Variants in TECPR1 observed in about 807,000 individuals in gnomAD.
TECPR1 encodes the protein tectonin beta-propeller repeat containing 1.
Under a neutral mutation model 162.4 loss-of-function variants are expected in TECPR1, and 122 were observed. That is an observed-to-expected ratio of 0.75 (90% CI 0.65 to 0.87). The LOEUF (loss-of-function observed/expected upper bound fraction) is 0.87, where lower values mean the gene tolerates loss of function less well. TECPR1 is among the 40% of genes least tolerant of loss of function. The pLI, the probability that TECPR1 is intolerant of heterozygous loss-of-function variation, is 0.00. For missense variants in TECPR1, 1,432 were observed against 1,618.2 expected (o/e 0.88, Z 1.97); for synonymous variants, 642 against 670.6 (o/e 0.96, Z 0.66).
chr7:98,238,656 A>G (rs1287589240), intron 8 of TECPR1, 46 bp from the exon 9 acceptor site: 1 of 1,485,078 alleles, frequency 6.7e-7, no homozygotes, highest in South Asian at 1.2e-5. Flanking sequence ...GGCCACTGAA[A>G]CAGACGGTTC....
chr7:98,221,810 T>A, intron 22 of TECPR1, 57 bp from the exon 23 acceptor site: 1 of 1,422,018 alleles, frequency 7.0e-7, no homozygotes, highest in Non-Finnish European at 9.8e-7. Context: ...ATGGGCCAGG[T>A]GGGGCTGTGG....
Position 98,241,356 on chromosome 7 carries a change from T to C in TECPR1, c.658-112A>G. On this transcript the variant is annotated intron_variant, in intron 6 of 25. Transcript: ENST00000447648. This position sits in a 1 kb window ranked among gnomAD's most constrained non-coding sequence, Gnocchi z 5.0. Reference sequence around the variant, plus strand: ...CCCATGTCCCCTGACCGTCCAGATCTCACTCCCTGCCCCCTACCCCGGCCA... The same window carrying C: ...CCCATGTCCCCTGACCGTCCAGATCCCACTCCCTGCCCCCTACCCCGGCCA... The C allele has an allele frequency of 2.2e-6, 3 of 1,341,396 alleles. No individual in the cohort carries two copies. The South Asian group carries it at 4.1e-5, about 18-fold the overall frequency. The allele number at this position is 1,341,396 out of a possible 1,614,324, so 83.1% of individuals were successfully genotyped here.
intron 25 of TECPR1, 81 bp downstream of exon 25, chr7:98,217,611 T>C: frequency 6.6e-7 from 1 of 1,526,090 alleles, no homozygotes; most frequent in Non-Finnish European, 8.8e-7. Context: ...CAGGGGACAG[T>C]CCCACAGTGG....
Position 98,229,927 on chromosome 7 carries a change from C to T in TECPR1, c.2283-761G>A, listed in dbSNP as rs573563759. Among the ~76,000 whole-genome samples the T allele has an allele frequency of 3.1e-3, 478 of 151,906 alleles. 3 individuals carry two copies. The highest frequency in any genetic ancestry group is 0.011 in the African/African-American group (451 of 41,434). On this transcript the variant is annotated intron_variant, in intron 15 of 25. Coordinates refer to ENST00000447648, the MANE Select transcript of TECPR1 (RefSeq NM_015395.3). ...GAATCATAGCCCCCATGTCCCCTGCCGGGCCCTTGTCCTCAGGACTCAGCT... is the reference window on the plus strand; with the variant it reads ...GAATCATAGCCCCCATGTCCCCTGCTGGGCCCTTGTCCTCAGGACTCAGCT...
chr7:98,242,510 ACACCCACT>A (rs1385150294), intron 6 of TECPR1, among the ~76,000 whole-genome samples: 4 of 141,746 alleles, frequency 2.8e-5, no homozygotes, highest in African/African-American at 1.1e-4. Flanking sequence ...ATCTATCCAT[ACACCCACT>A]CACCCACTCA....
chr7:98,228,460 G>T, intron 16 of TECPR1: 1 of 304,540 alleles, frequency 3.3e-6, no homozygotes. Context: ...GTGTTACAAA[G>T]GCACCTGGGA....
At chr7:98,218,087 C>T (rs902780904) in intron 23 of TECPR1, 45 bp from the exon 24 acceptor site, 4 of 1,478,094 alleles carry the variant, frequency 2.7e-6, no homozygotes, top group African/African-American at 2.8e-5. Flanking sequence ...ACCTTCCCGG[C>T]CCCTCCTGCC....
chr7:98,249,629 T>C (rs1799008555), intron 2 of TECPR1, among the ~76,000 whole-genome samples: 1 of 152,140 alleles, frequency 6.6e-6, no homozygotes, highest in Admixed American at 6.6e-5. Context: ...AACTAACCTC[T>C]CTGTGCCTTA....
chr7:98,231,598 C>T, intron 13 of TECPR1: 1 of 627,712 alleles, frequency 1.6e-6, no homozygotes, highest in South Asian at 2.0e-5. Context: ...TACTCCCTCT[C>T]CTGGGGCACC....
chr7:98,224,239 T>C (rs1442272019), intron 19 of TECPR1, among the ~76,000 whole-genome samples: 1 of 152,170 alleles, frequency 6.6e-6, no homozygotes, highest in Non-Finnish European at 1.5e-5. Context: ...CCTGGCTCCA[T>C]CTTCCAACAG....
chr7:98,234,830 C>T (rs1184254133), intron 10 of TECPR1, among the ~76,000 whole-genome samples: 1 of 151,382 alleles, frequency 6.6e-6, no homozygotes, highest in East Asian at 1.9e-4. Context: ...CCCACCTCTG[C>T]CTTGTAAGTA....
Position 98,232,845 on chromosome 7 carries a change from G to T in TECPR1, c.1800C>A (p.Tyr600Ter). Residue 600 changes from tyrosine to a stop codon, truncating the protein, a stop_gained, in exon 12 of 26, where the codon TAC becomes TAA. Transcript: ENST00000447648. LOFTEE classifies it high-confidence loss of function. This position sits in a 1 kb window ranked among gnomAD's most constrained non-coding sequence, Gnocchi z 4.6. Reference sequence around the variant, plus strand: ...CACCCACCTGCTCCACGGCCTGCTCGTAGTGTCTGAAGTTCTCCAGCTCCC... The same window carrying T: ...CACCCACCTGCTCCACGGCCTGCTCTTAGTGTCTGAAGTTCTCCAGCTCCC... ...TKRELENFRH[Y>*]EQAVEQSVWV... The T allele has an allele frequency of 6.2e-7, 1 of 1,608,010 alleles. No individual in the cohort carries two copies. Among genetic ancestry groups the T allele is most frequent in the Non-Finnish European group, 8.5e-7 (1 of 1,177,748 alleles).
At chr7:98,248,720 G>C (rs1468403822) in intron 2 of TECPR1, among the ~76,000 whole-genome samples, 1 of 151,652 alleles carries the variant, frequency 6.6e-6, no homozygotes, top group Admixed American at 6.6e-5. Context: ...AGTGGCGCGT[G>C]CCTGTAATCT....
chr7:98,220,810 C>A lies in TECPR1; in HGVS notation c.3157+851G>T, dbSNP rs539971936. 6.3e-4 allele frequency among the ~76,000 whole-genome samples: 96 copies of A among 152,068 alleles called. No individual in the cohort carries two copies. In the Middle Eastern group the frequency reaches 0.01, roughly 16 times the overall value. On this transcript the variant is annotated intron_variant, in intron 23 of 25. Coordinates refer to ENST00000447648, the MANE Select transcript of TECPR1 (RefSeq NM_015395.3). ...TGACCTTGTGATCCGCCTGCTCCGG[C>A]CTCCCAAAGTGCTGGGATTACAGGT...
intron 25 of TECPR1, 70 bp downstream of exon 25, chr7:98,217,622 T>G (rs1798045895): frequency 4.6e-6 from 7 of 1,520,808 alleles, no homozygotes; most frequent in Non-Finnish European, 6.2e-6. Flanking sequence ...CCCACAGTGG[T>G]CGTCCCGTCT....
At position 98,224,904 on chromosome 7, in the gene TECPR1, AT is replaced by A. The variant is rs1467532134; in HGVS notation, c.2611-25del. On this transcript the variant is annotated intron_variant, in intron 18 of 25. Transcript: ENST00000447648. ...ACCTGGGAGGAGTGGGTCAGTGAGG[AT>A]GGGACCCCCCGAATCCAGAAGGCAG... 18 of 1,555,062 alleles carry A rather than the reference AT, an allele frequency of 1.2e-5. No individual in the cohort carries two copies. The Middle Eastern group carries it at 1.2e-3, about 101-fold the overall frequency.
chr7:98,229,050 C>T lies in TECPR1; in HGVS notation c.2399G>A (p.Gly800Asp). The change falls in exon 16 of 26, where the codon GGC becomes GAC. Residue 800 changes from glycine to aspartate, a missense_variant. Gly to Asp is a moderately conservative substitution (Grantham distance 94). Coordinates refer to ENST00000447648, the MANE Select transcript of TECPR1 (RefSeq NM_015395.3). ...AWVYTGGYGG[G>D]CFQGLASSTS... ...TGGGCCGCCCTCACCTTGGAAGCAG[C>T]CGCCTCCATAGCCGCCTGTGTATAC... is the stretch of plus-strand genomic sequence containing the variant. The T allele has an allele frequency of 6.3e-7, 1 of 1,597,970 alleles. No individual in the cohort carries two copies. The highest frequency in any genetic ancestry group is 8.5e-7 in the Non-Finnish European group (1 of 1,172,524).
intron 2 of TECPR1, among the ~76,000 whole-genome samples, chr7:98,250,531 G>C (rs900851492): frequency 6.6e-6 from 1 of 152,132 alleles, no homozygotes; most frequent in Non-Finnish European, 1.5e-5. Context: ...CTAGCTACTT[G>C]GGAGGCTGAG....
At position 98,216,258 on chromosome 7, in the gene TECPR1, A is replaced by T. The variant is rs1798004981; in HGVS notation, c.*1132T>A. On this transcript the variant is annotated 3_prime_UTR_variant, in exon 26 of 26. Coordinates refer to ENST00000447648, the MANE Select transcript of TECPR1 (RefSeq NM_015395.3). ...CTGTGCACCCTGCTCCATGTACAGG[A>T]CGGGCTGAGGGTCCCATGGCCACTG... 6.6e-6 allele frequency: 1 copy of T among 152,362 alleles called. No homozygotes were observed. Among genetic ancestry groups the T allele is most frequent in the Admixed American group, 6.5e-5 (1 of 15,286 alleles). The allele number at this position is 152,362 out of a possible 1,614,324, so 9.4% of individuals were successfully genotyped here.
Sources: allele counts gnomAD v4.1 joint callset (sites outside exome capture counted in the v4.1 genomes callset), GRCh38; gene constraint gnomAD v4.1.1; non-coding constraint Gnocchi (gnomAD v3.1); transcripts MANE v1.5; gene names NCBI Gene and HGNC (gene_info 2026-07-23, HGNC 2026-07-21).